The following CIBAR2 variants were observed in gnomAD, a reference collection of about 807,000 sequenced individuals.
CIBAR2 encodes CBY1 interacting BAR domain containing 2.
CIBAR2 carries 38 observed loss-of-function variants against 36.2 expected under a neutral mutation model. That is an observed-to-expected ratio of 1.05 (90% CI 0.81 to 1.38). The LOEUF is 1.38. Ranked by LOEUF, CIBAR2 falls within the 40% of genes most tolerant of loss-of-function variation. CIBAR2 has a pLI of 0.00. For synonymous variants in CIBAR2, 182 were observed against 149.5 expected (o/e 1.22, Z -1.58); for missense variants, 481 against 383.4 (o/e 1.25, Z -2.13).
Position 85,099,447 on chromosome 16 carries a change from G to A in CIBAR2, c.754-101C>T, listed in dbSNP as rs541806512. 1.1e-5 allele frequency: 8 copies of A among 737,842 alleles called. No individual in the cohort carries two copies. In the African/African-American group the frequency reaches 1.2e-4, roughly 11 times the overall value. The allele number at this position is 737,842 out of a possible 1,614,324, so 45.7% of individuals were successfully genotyped here. A position where few individuals can be genotyped will look rare whatever the true frequency, so the allele number is the denominator to read the frequency against. Reference sequence around the variant, plus strand: ...ACCTCCCTAACCTCTGAGGAACCCTGGATTCTGGAACCCGCGGGCCCACGG... The same window carrying A: ...ACCTCCCTAACCTCTGAGGAACCCTAGATTCTGGAACCCGCGGGCCCACGG... On this transcript the variant is annotated intron_variant, in intron 8 of 8. Transcript: ENST00000539556.
At chr16:85,107,728 G>A in intron 4 of CIBAR2, 56 bp from the exon 5 acceptor site, 1 of 1,609,998 alleles carries the variant, frequency 6.2e-7, no homozygotes, top group Non-Finnish European at 8.5e-7. Flanking sequence ...CGTTGGGGTG[G>A]TCCGCCCCCT....
chr16:85,110,660 G>T (rs572932236), intron 1 of CIBAR2, among the ~76,000 whole-genome samples, 200 bp from the exon 2 acceptor site: 1 of 151,586 alleles, frequency 6.6e-6, no homozygotes, highest in Non-Finnish European at 1.5e-5. Context: ...GGGCTGGTCA[G>T]TAGTGGGCAG....
chr16:85,111,253 C>T (rs1176626841), intron 1 of CIBAR2, among the ~76,000 whole-genome samples: 2 of 152,176 alleles, frequency 1.3e-5, no homozygotes, highest in African/African-American at 4.8e-5. Context: ...AGCCCTCTGT[C>T]CCGACAGACC....
chr16:85,108,127 T>C (rs987503032), intron 2 of CIBAR2, 28 bp from the exon 3 acceptor site: 29 of 1,590,354 alleles, frequency 1.8e-5, no homozygotes, highest in Non-Finnish European at 2.5e-5. Context: ...CCAGGGGATC[T>C]GAGCGCAGGG....
chr16:85,109,411 C>A (rs1457906014), intron 2 of CIBAR2, among the ~76,000 whole-genome samples: 3 of 152,192 alleles, frequency 2.0e-5, no homozygotes, highest in African/African-American at 4.8e-5. Flanking sequence ...GTTGTGTCTG[C>A]CTGCCTGGAG....
chr16:85,109,073 C>A (rs1305090840), intron 2 of CIBAR2, among the ~76,000 whole-genome samples: 1 of 151,936 alleles, frequency 6.6e-6, no homozygotes, highest in Non-Finnish European at 1.5e-5. Flanking sequence ...CTGCCACCTG[C>A]TTGTCACAGA....
Position 85,103,922 on chromosome 16 carries a change from G to A in CIBAR2, c.537+1405C>T, listed in dbSNP as rs8050073. On this transcript the variant is annotated intron_variant, in intron 6 of 8. Coordinates refer to ENST00000539556, the MANE Select transcript of CIBAR2 (RefSeq NM_198491.3). ...CAGCACACCACAAACCACATGATCC[G>A]TCCATCTCCTCCCGCCCCAACGGTG... Among the ~76,000 whole-genome samples, 813 of 152,278 alleles carry A rather than the reference G, an allele frequency of 5.3e-3. 4 individuals are homozygous for A. Among genetic ancestry groups the A allele is most frequent in the Non-Finnish European group, 8.3e-3 (564 of 68,022 alleles).
chr16:85,104,714 TA>T (rs1355025744), intron 6 of CIBAR2, among the ~76,000 whole-genome samples: 1 of 151,832 alleles, frequency 6.6e-6, no homozygotes, highest in Non-Finnish European at 1.5e-5. Context: ...AGACTCCATC[TA>T]AAAAAAATAA....
rs2073943986 is a variant in CIBAR2 at position 85,100,153 on chromosome 16, A to T, written c.739T>A (p.Ser247Thr). Residue 247 changes from serine (S) to threonine (T), a missense_variant, in exon 8 of 9, where the codon TCT becomes ACT. Transcript: ENST00000539556. ...CACACGCTCACCTGGCTGGCGAGAG[A>T]CTGAAGAACAGATGGAGGGGGGCTG... ...NTSPPPSVLQ[S>T]LASQGTLQVQ... 1.2e-6 allele frequency: 2 copies of T among 1,610,226 alleles called. No homozygotes were observed. Among genetic ancestry groups the T allele is most frequent in the Admixed American group, 1.7e-5 (1 of 59,208 alleles).
In CIBAR2 at chr16:85,110,381, C is replaced by T. The variant is rs775012665; in HGVS notation, c.100G>A (p.Ala34Thr). Residue 34 changes from alanine to threonine, a missense_variant, in exon 2 of 9, where the codon GCC becomes ACC. By Grantham distance (58) the Ala-to-Thr change is moderately conservative (BLOSUM62 0). Coordinates refer to ENST00000539556, the MANE Select transcript of CIBAR2 (RefSeq NM_198491.3). ...AGCCGGGCCGTCTTGCGCGTGTAGG[C>T]GGCCAGCAGCGAGCAGAACTGCCCA... Reference protein sequence around the residue: ...YFGQFCSLLAAYTRKTARLRD... With the variant: ...YFGQFCSLLATYTRKTARLRD... 34 of 1,613,250 alleles carry T rather than the reference C, an allele frequency of 2.1e-5. No individual in the cohort carries two copies. The highest frequency in any genetic ancestry group is 5.5e-5 in the South Asian group (5 of 91,028).
intron 1 of CIBAR2, among the ~76,000 whole-genome samples, chr16:85,111,636 A>G (rs987713061): frequency 1.3e-5 from 2 of 152,238 alleles, no homozygotes; most frequent in African/African-American, 4.8e-5. Flanking sequence ...GCCTGAGCTC[A>G]GGAGTTCAAG....
At chr16:85,099,950 A>C (rs1167580013) in intron 8 of CIBAR2, among the ~76,000 whole-genome samples, 189 bp downstream of exon 8, 1 of 151,324 alleles carries the variant, frequency 6.6e-6, no homozygotes, top group East Asian at 1.9e-4. Context: ...GCTTCATTCT[A>C]CTTCAAGGCA....
In CIBAR2 at chr16:85,110,509, C is replaced by T. The variant is rs369535007; in HGVS notation, c.21-49G>A. 6.5e-6 allele frequency: 9 copies of T among 1,394,168 alleles called. No homozygotes were observed. The African/African-American group carries it at 1.3e-4, about 20-fold the overall frequency. The allele number at this position is 1,394,168 out of a possible 1,614,324, so 86.4% of individuals were successfully genotyped here. A position where few individuals can be genotyped will look rare whatever the true frequency, so the allele number is the denominator to read the frequency against. On this transcript the variant is annotated intron_variant, in intron 1 of 8. Coordinates refer to ENST00000539556, the MANE Select transcript of CIBAR2 (RefSeq NM_198491.3). ...GCCATTCTGGGCAGAGATGCAGGGCCCCGGTCATGCCAAGAGCAGACAATA... is the reference window on the plus strand; with the variant it reads ...GCCATTCTGGGCAGAGATGCAGGGCTCCGGTCATGCCAAGAGCAGACAATA...
Position 85,107,869 on chromosome 16 carries a change from A to G in CIBAR2, c.403T>C (p.Ser135Pro), listed in dbSNP as rs775692426. Residue 135 changes from serine to proline, a missense_variant, in exon 4 of 9, where the codon TCA becomes CCA. Coordinates refer to ENST00000539556, the MANE Select transcript of CIBAR2 (RefSeq NM_198491.3). ...ACGATCATTTGCTGATCCGAGGGTG[A>G]CTTCTGCCTCAGTTTCTCCAGTTTT... The part of the protein sequence containing the change: ...LEKLEKLRQK[S>P]PSDQQMISQA... 1 of 1,613,944 alleles carries G rather than the reference A, an allele frequency of 6.2e-7. No homozygotes were observed. The highest frequency in any genetic ancestry group is 1.1e-5 in the South Asian group (1 of 91,078).
At chr16:85,112,270 G>C in intron 1 of CIBAR2, 63 bp downstream of exon 1, 1 of 1,471,796 alleles carries the variant, frequency 6.8e-7, no homozygotes, top group Non-Finnish European at 9.5e-7. Flanking sequence ...CTTTGTTGGT[G>C]CCCCGGGCCT....
intron 2 of CIBAR2, among the ~76,000 whole-genome samples, chr16:85,109,929 C>T (rs2144177139): frequency 6.6e-6 from 1 of 152,320 alleles, no homozygotes. Flanking sequence ...CTTCCCGAGG[C>T]CCTCATAGGC....
At chr16:85,101,013 T>A (rs2073951413) in intron 7 of CIBAR2, among the ~76,000 whole-genome samples, 1 of 149,546 alleles carries the variant, frequency 6.7e-6, no homozygotes, top group Non-Finnish European at 1.5e-5. Context: ...GCCACTGCAC[T>A]CCAGCCTGGG....
Position 85,110,156 on chromosome 16 carries a change from C to T in CIBAR2, c.255+70G>A, listed in dbSNP as rs899831914. 4 of 1,263,116 alleles carry T rather than the reference C, an allele frequency of 3.2e-6. No homozygotes were observed. In the African/African-American group the frequency reaches 4.5e-5, roughly 14 times the overall value. 78.2% of individuals were successfully genotyped at this position (1,263,116 alleles called of 1,614,324 possible). On this transcript the variant is annotated intron_variant, in intron 2 of 8. Transcript: ENST00000539556. ...TGGCCACAGCAGGGCTCCTGCAGCC[C>T]TCAGGCCTGACCTTGGCATTGGAGC...
At chr16:85,100,018 G>A in intron 8 of CIBAR2, 121 bp downstream of exon 8, 1 of 742,452 alleles carries the variant, frequency 1.3e-6, no homozygotes. Context: ...TGCCTCCTCA[G>A]CCTCCCATTT....
Sources: gnomAD v4.1 joint callset for allele counts (sites outside exome capture counted in the v4.1 genomes callset) on GRCh38, gnomAD v4.1.1 for gene constraint, MANE v1.5 for transcripts, NCBI Gene and HGNC (gene_info 2026-07-23, HGNC 2026-07-21) for gene names.